SH3BP1: variants seen among roughly 807,000 people sequenced by gnomAD.
SH3BP1 encodes SH3 domain-binding protein 1.
A neutral mutation model predicts 69.8 loss-of-function variants in SH3BP1; 46 were observed. That is an observed-to-expected ratio of 0.66 (90% CI 0.52 to 0.84). The LOEUF (loss-of-function observed/expected upper bound fraction) is 0.84. SH3BP1 is among the 40% of genes least tolerant of loss of function. The pLI is 0.00. For missense variants in SH3BP1, 868 were observed against 930.9 expected (o/e 0.93, Z 0.88); for synonymous variants, 403 against 378.0 (o/e 1.07, Z -0.77).
Position 37,643,126 on chromosome 22 carries a change from A to G in SH3BP1, c.425A>G (p.Lys142Arg). 6.2e-7 allele frequency: 1 copy of G among 1,611,618 alleles called. No homozygotes were observed. The highest frequency in any genetic ancestry group is 2.2e-5 in the East Asian group (1 of 44,786). ...EEELPAILKHKKSLQKLVSDW... is the reference protein window; with the variant it reads ...EEELPAILKHRKSLQKLVSDW... The stretch of plus-strand genomic sequence containing the variant: ...GAGCTGCCAGCCATCCTCAAACACA[A>G]GAAAAGCCTCCAGAAGCTCGTGTCC... The change falls in exon 6 of 18, where the codon AAG (lysine) becomes AGG (arginine). Residue 142 changes from lysine (K) to arginine (R), a missense_variant. Coordinates refer to ENST00000649765, the MANE Select transcript of SH3BP1 (RefSeq NM_018957.6).
chr22:37,648,277 G>T, intron 13 of SH3BP1, 42 bp from the exon 14 acceptor site: 1 of 1,357,798 alleles, frequency 7.4e-7, no homozygotes, highest in Non-Finnish European at 1.0e-6. Flanking sequence ...TCTCAGGGCT[G>T]GGTGCGTTCT....
chr22:37,643,939 T>A, intron 7 of SH3BP1, 151 bp downstream of exon 7: 1 of 811,312 alleles, frequency 1.2e-6, no homozygotes, highest in Non-Finnish European at 2.0e-6. Flanking sequence ...CATTCCCTCG[T>A]AGCCTCTTCT....
intron 7 of SH3BP1, among the ~76,000 whole-genome samples, chr22:37,644,082 A>G (rs1042294965): frequency 1.1e-4 from 16 of 152,216 alleles, no homozygotes; most frequent in Admixed American, 7.2e-4. Flanking sequence ...ATGGTGAATA[A>G]CAGGTCACTG....
rs1422449243 is a variant in SH3BP1 at position 37,655,559 on chromosome 22, G to A, written c.1981G>A (p.Ala661Thr). The A allele has an allele frequency of 1.3e-6, 2 of 1,592,544 alleles. No homozygotes were observed. The highest frequency in any genetic ancestry group is 1.7e-5 in the Admixed American group (1 of 58,046). ...SPSPVSLSNP[A>T]QVDLGAATAE... Reference sequence around the variant, plus strand: ...CAGCCCAGTCTCTTTGAGTAACCCTGCACAGGTGGACCTGGGGGCTGCCAC... The same window carrying A: ...CAGCCCAGTCTCTTTGAGTAACCCTACACAGGTGGACCTGGGGGCTGCCAC... The change falls in exon 18 of 18, where the codon GCA becomes ACA. Residue 661 changes from alanine to threonine, a missense_variant. By Grantham distance (58) the Ala-to-Thr change is moderately conservative (BLOSUM62 0). Coordinates refer to ENST00000649765, the MANE Select transcript of SH3BP1 (RefSeq NM_018957.6).
In SH3BP1 at chr22:37,643,728, C is replaced by T. The variant is rs780169676; in HGVS notation, c.558C>T (p.Asn186=). The T allele has an allele frequency of 6.2e-7, 1 of 1,614,014 alleles. No homozygotes were observed. The highest frequency in any genetic ancestry group is 8.5e-7 in the Non-Finnish European group (1 of 1,180,024). ...PGSHSHTTMA[N]KVETLKEEEE... ...GTCACAGCCATACGACCATGGCCAACAAGGTGGAGACGCTGAAGGAGGAGG... is the reference window on the plus strand; with the variant it reads ...GTCACAGCCATACGACCATGGCCAATAAGGTGGAGACGCTGAAGGAGGAGG... Residue 186 remains asparagine, a synonymous_variant, in exon 7 of 18, where the codon AAC becomes AAT. Transcript: ENST00000649765.
chr22:37,642,496 A>C (rs1932633688), intron 3 of SH3BP1, 43 bp from the exon 4 acceptor site: 1 of 1,600,996 alleles, frequency 6.2e-7, no homozygotes, highest in Non-Finnish European at 8.5e-7. Flanking sequence ...GGCAGGGTGG[A>C]GGGAGGCACG....
At chr22:37,644,172 G>A (rs537130491) in intron 7 of SH3BP1, among the ~76,000 whole-genome samples, 51 of 152,344 alleles carry the variant, frequency 3.3e-4, no homozygotes, top group African/African-American at 9.9e-4. Context: ...GAGGTCAGGA[G>A]TTCAAGACCA....
In SH3BP1 at chr22:37,641,401, C is replaced by A. The variant is rs775063102; in HGVS notation, c.130C>A (p.Arg44=). ...QVEQRLEPAK[R]AAHNIHKRLQ... is the part of the protein sequence containing the mutation. ...AGAACAGCGGCTGGAGCCGGCCAAG[C>A]GGGCAGCCCACAACATCCACAAGCG... Residue 44 remains arginine (R), a synonymous_variant, in exon 3 of 18, where the codon CGG becomes AGG. Transcript: ENST00000649765. The A allele has an allele frequency of 1.2e-5, 18 of 1,550,786 alleles. No individual in the cohort carries two copies. Among genetic ancestry groups the A allele is most frequent in the South Asian group, 7.1e-5 (6 of 84,076 alleles).
intron 6 of SH3BP1, 163 bp downstream of exon 6, chr22:37,643,337 T>C (rs920879044): frequency 5.7e-6 from 4 of 705,730 alleles, no homozygotes; most frequent in Non-Finnish European, 9.6e-6. Context: ...GTGGTTAGCG[T>C]ATCTGTGAGG....
chr22:37,655,925 G>T lies in SH3BP1; in HGVS notation c.*241G>T. Reference sequence around the variant, plus strand: ...CCACCGGACTCTCCACTCTCCGGCAGGTCCTAGGGGAGCCACCGGAAGGAA... The same window carrying T: ...CCACCGGACTCTCCACTCTCCGGCATGTCCTAGGGGAGCCACCGGAAGGAA... On this transcript the variant is annotated 3_prime_UTR_variant, in exon 18 of 18. Coordinates refer to ENST00000649765, the MANE Select transcript of SH3BP1 (RefSeq NM_018957.6). The T allele has an allele frequency of 6.4e-7, 1 of 1,569,986 alleles. No homozygotes were observed. Among genetic ancestry groups the T allele is most frequent in the Non-Finnish European group, 8.6e-7 (1 of 1,163,656 alleles).
intron 1 of SH3BP1, 22 bp from the exon 2 acceptor site, chr22:37,641,104 C>CCG (rs898120974): frequency 3.1e-6 from 4 of 1,286,800 alleles, no homozygotes; most frequent in African/African-American, 3.0e-5. Context: ...ACTCTCCCCC[C>CCG]CCCCCCCACC....
intron 16 of SH3BP1, 110 bp from the exon 17 acceptor site, chr22:37,653,669 G>T: frequency 1.3e-6 from 1 of 755,544 alleles, no homozygotes; most frequent in South Asian, 1.5e-5. Flanking sequence ...GTGATAGAGA[G>T]CGAGTGCTGG....
At position 37,647,455 on chromosome 22, in the gene SH3BP1, G is replaced by A. The variant is rs752646479; in HGVS notation, c.1133G>A (p.Gly378Glu). ...CTCCCCCCCAGCCTGAAGGAGCCAGGGGCCCGGCTGCAGGCCCTCCAAGAG... is the reference window on the plus strand; with the variant it reads ...CTCCCCCCCAGCCTGAAGGAGCCAGAGGCCCGGCTGCAGGCCCTCCAAGAG... ...WMRAASLKEP[G>E]ARLQALQEVC... The change falls in exon 13 of 18, where the codon GGG becomes GAG. Residue 378 changes from glycine (G) to glutamate (E), a missense_variant. Transcript: ENST00000649765. The A allele has an allele frequency of 3.7e-6, 6 of 1,611,598 alleles. No homozygotes were observed. The South Asian group carries it at 6.6e-5, about 18-fold the overall frequency.
intron 17 of SH3BP1, among the ~76,000 whole-genome samples, 170 bp from the exon 18 acceptor site, chr22:37,655,102 G>A (rs1932981044): frequency 6.6e-6 from 1 of 152,192 alleles, no homozygotes; most frequent in Non-Finnish European, 1.5e-5. Flanking sequence ...GGCCTCCAAG[G>A]GGGCAAAGGG....
At chr22:37,653,231 A>G (rs1036824524) in intron 16 of SH3BP1, among the ~76,000 whole-genome samples, 1 of 152,080 alleles carries the variant, frequency 6.6e-6, no homozygotes, top group Non-Finnish European at 1.5e-5. Context: ...TGAGACCAGG[A>G]GTTCAAGAAC....
rs1239939444 is a variant in SH3BP1, at chr22:37,650,591, C to G, written c.1464C>G (p.Asp488Glu). 4.3e-6 allele frequency: 7 copies of G among 1,614,070 alleles called. No individual in the cohort carries two copies. Among genetic ancestry groups the G allele is most frequent in the Non-Finnish European group, 5.9e-6 (7 of 1,180,008 alleles). The part of the protein sequence containing the change: ...SGLFSAVTLQ[D>E]TVSDRLASEE... The stretch of plus-strand genomic sequence containing the variant: ...TCTTCTCAGCTGTTACCCTCCAGGA[C>G]ACAGTCAGTGACAGGCTGGCCTCTG... The change falls in exon 16 of 18, where the codon GAC becomes GAG. Residue 488 changes from aspartate (D) to glutamate (E), a missense_variant. Coordinates refer to ENST00000649765, the MANE Select transcript of SH3BP1 (RefSeq NM_018957.6).
In SH3BP1 at chr22:37,647,498, C is replaced by T; in HGVS notation, c.1176C>T (p.Pro392=). ...QALQEVCSRL[P]PENLSNLRYL... is the part of the protein sequence containing the mutation. ...TCCAAGAGGTGTGCAGCCGCCTACC[C>T]CCCGAGAACCTCAGCAACCTCAGGT... is the stretch of plus-strand genomic sequence containing the variant. Residue 392 remains proline, a synonymous_variant, in exon 13 of 18, where the codon CCC becomes CCT. Coordinates refer to ENST00000649765, the MANE Select transcript of SH3BP1 (RefSeq NM_018957.6). 6.2e-7 allele frequency: 1 copy of T among 1,605,836 alleles called. No individual in the cohort carries two copies. Among genetic ancestry groups the T allele is most frequent in the Non-Finnish European group, 8.5e-7 (1 of 1,179,464 alleles).
chr22:37,648,443 G>C lies in SH3BP1; in HGVS notation c.1316+8G>C. 6.5e-7 allele frequency: 1 copy of C among 1,540,372 alleles called. No homozygotes were observed. Among genetic ancestry groups the C allele is most frequent in the Non-Finnish European group, 8.8e-7 (1 of 1,132,138 alleles). On this transcript the variant is annotated splice_region_variant and intron_variant, in intron 14 of 17. Coordinates refer to ENST00000649765, the MANE Select transcript of SH3BP1 (RefSeq NM_018957.6). ...GCCACCTGAGAAAGAAGGGTGAGGG[G>C]CCGCGGGCTGGGGGAGGTGGCAGGA...
At chr22:37,655,157 T>G in intron 17 of SH3BP1, 115 bp from the exon 18 acceptor site, 1 of 733,420 alleles carries the variant, frequency 1.4e-6, no homozygotes, top group Non-Finnish European at 2.1e-6. Context: ...GCAGAAACGG[T>G]GTTCCCGGCA....
Sources: allele counts gnomAD v4.1 joint callset (sites outside exome capture counted in the v4.1 genomes callset), GRCh38; gene constraint gnomAD v4.1.1; transcripts MANE v1.5; gene names NCBI Gene and HGNC (gene_info 2026-07-23, HGNC 2026-07-21).